The following PRR5L variants were observed in gnomAD, a reference collection of about 807,000 sequenced individuals.
PRR5L encodes proline-rich protein 5-like.
PRR5L carries 21 observed loss-of-function variants against 36.4 expected under a neutral mutation model. That is an observed-to-expected ratio of 0.58 (90% CI 0.41 to 0.83). The LOEUF (loss-of-function observed/expected upper bound fraction) is 0.83, where lower values mean the gene tolerates loss of function less well. Ranked by LOEUF, PRR5L falls within the 40% of genes least tolerant of loss-of-function variation. The pLI is 0.00. For synonymous variants in PRR5L, 188 were observed against 197.0 expected (o/e 0.95, Z 0.38); for missense variants, 381 against 473.3 (o/e 0.80, Z 1.81).
intron 6 of PRR5L, among the ~76,000 whole-genome samples, chr11:36,438,988 C>A (rs2133608317): frequency 6.6e-6 from 1 of 152,182 alleles, no homozygotes; most frequent in South Asian, 2.1e-4. Context: ...CATATATAAG[C>A]AAATAATGCA....
chr11:36,368,652 T>C (rs1336104394), intron 1 of PRR5L, among the ~76,000 whole-genome samples: 1 of 152,226 alleles, frequency 6.6e-6, no homozygotes, highest in Non-Finnish European at 1.5e-5. Context: ...TGTATGATAA[T>C]GCAACAACAG....
At chr11:36,417,274 C>A (rs887057124) in intron 3 of PRR5L, among the ~76,000 whole-genome samples, 5 of 152,124 alleles carry the variant, frequency 3.3e-5, no homozygotes, top group African/African-American at 1.2e-4. Context: ...TGAGACTTCC[C>A]AAGGATGACG....
At chr11:36,411,844 A>C (rs1027357566) in intron 3 of PRR5L, among the ~76,000 whole-genome samples, 1 of 152,068 alleles carries the variant, frequency 6.6e-6, no homozygotes, top group Non-Finnish European at 1.5e-5. Context: ...TGGGTCCTCA[A>C]TCCCAGTGTA....
intron 1 of PRR5L, among the ~76,000 whole-genome samples, chr11:36,326,977 G>T (rs2133468759): frequency 6.6e-6 from 1 of 152,256 alleles, no homozygotes; most frequent in South Asian, 2.1e-4. Context: ...AGTTAAAGTG[G>T]AGTGGAAAAA....
chr11:36,435,032 G>A (rs1858575842), intron 5 of PRR5L, among the ~76,000 whole-genome samples: 1 of 152,116 alleles, frequency 6.6e-6, no homozygotes, highest in Admixed American at 6.5e-5. Flanking sequence ...CAGGTCAAGA[G>A]GGCCTCTGCT....
chr11:36,462,517 C>G lies in PRR5L; in HGVS notation c.888C>G (p.His296Gln). The change falls in exon 9 of 9, where the codon CAC becomes CAG. Residue 296 changes from histidine (H) to glutamine (Q), a missense_variant. Transcript: ENST00000530639. ...SVRRHTVANA[H>Q]SDIQLLAMAT... Reference sequence around the variant, plus strand: ...GGCGGCACACGGTGGCCAATGCCCACTCGGACATCCAGCTGCTGGCCATGG... The same window carrying G: ...GGCGGCACACGGTGGCCAATGCCCAGTCGGACATCCAGCTGCTGGCCATGG... 6.2e-7 allele frequency: 1 copy of G among 1,608,518 alleles called. No homozygotes were observed. The highest frequency in any genetic ancestry group is 8.5e-7 in the Non-Finnish European group (1 of 1,177,052).
chr11:36,401,368 C>T (rs1421008709), intron 2 of PRR5L, 83 bp downstream of exon 2: 2 of 1,354,404 alleles, frequency 1.5e-6, no homozygotes, highest in African/African-American at 1.5e-5. Flanking sequence ...GACTGAGCTT[C>T]TGCTGATTCT....
chr11:36,300,088 A>T lies in PRR5L; in HGVS notation c.-126+3650A>T, dbSNP rs181808235. On this transcript the variant is annotated intron_variant, in intron 1 of 8. Transcript: ENST00000530639. The stretch of plus-strand genomic sequence containing the variant: ...TCAGCAGAATAATGAAGTACAAGTG[A>T]AATATCTTTTTTTTTTGTAGAAATG... Among the ~76,000 whole-genome samples the T allele has an allele frequency of 1.1e-4, 17 of 152,268 alleles. No individual in the cohort carries two copies. The East Asian group carries it at 3.1e-3, about 28-fold the overall frequency.
chr11:36,331,462 A>C (rs1446670), intron 1 of PRR5L, among the ~76,000 whole-genome samples: 1 of 151,888 alleles, frequency 6.6e-6, no homozygotes, highest in African/African-American at 2.4e-5. Flanking sequence ...TCTTAAATAA[A>C]CAAAAACATG....
At chr11:36,418,975 G>A (rs79538109) in intron 3 of PRR5L, among the ~76,000 whole-genome samples, 10,740 of 152,120 alleles carry the variant, frequency 0.071, 378 homozygotes, top group African/African-American at 0.087. Context: ...CAGGTGCCCT[G>A]GCCTGCCCCT....
intron 1 of PRR5L, among the ~76,000 whole-genome samples, chr11:36,340,451 G>T (rs192079485): frequency 6.6e-6 from 1 of 152,264 alleles, no homozygotes; most frequent in East Asian, 1.9e-4. Flanking sequence ...TACAGAGTGC[G>T]CATGCATATA....
At chr11:36,405,880 T>C (rs999300488) in intron 3 of PRR5L, among the ~76,000 whole-genome samples, 14 of 152,134 alleles carry the variant, frequency 9.2e-5, no homozygotes, top group African/African-American at 3.4e-4. Context: ...CTCTCTGATG[T>C]CCCTTATAAG....
chr11:36,437,757 T>C (rs1858635048), intron 6 of PRR5L, among the ~76,000 whole-genome samples: 1 of 152,218 alleles, frequency 6.6e-6, no homozygotes, highest in Admixed American at 6.5e-5. Context: ...TTTTTCTTAG[T>C]TTTCAGAAGT....
chr11:36,392,749 G>A (rs1271609284), intron 1 of PRR5L, among the ~76,000 whole-genome samples: 1 of 152,130 alleles, frequency 6.6e-6, no homozygotes. Flanking sequence ...GAGCAAGGCT[G>A]GAACTGCCAC....
At chr11:36,419,941 C>T (rs1480018837) in intron 4 of PRR5L, among the ~76,000 whole-genome samples, 6 of 152,206 alleles carry the variant, frequency 3.9e-5, no homozygotes, top group Non-Finnish European at 8.8e-5. Flanking sequence ...CTGAATCATA[C>T]CACATCTGGA....
intron 1 of PRR5L, among the ~76,000 whole-genome samples, chr11:36,303,954 CTG>C (rs1301236552): frequency 1.3e-5 from 2 of 152,112 alleles, no homozygotes; most frequent in Admixed American, 1.3e-4. Context: ...AGGAGCAGGC[CTG>C]TGTCTGCCCC....
chr11:36,307,042 G>T (rs1469771821), intron 1 of PRR5L, among the ~76,000 whole-genome samples: 8 of 151,036 alleles, frequency 5.3e-5, no homozygotes, highest in Non-Finnish European at 1.0e-4. Flanking sequence ...CATTGTGATG[G>T]TTTTTGTTGT....
At chr11:36,363,812 A>G (rs1857118261) in intron 1 of PRR5L, among the ~76,000 whole-genome samples, 1 of 152,238 alleles carries the variant, frequency 6.6e-6, no homozygotes, top group African/African-American at 2.4e-5. Context: ...CCAAGAAGCA[A>G]TCGGCTGTTA....
chr11:36,405,255 C>T (rs1198589464), intron 3 of PRR5L, among the ~76,000 whole-genome samples: 2 of 152,170 alleles, frequency 1.3e-5, no homozygotes, highest in African/African-American at 4.8e-5. Flanking sequence ...AAGAGGATTA[C>T]CCTGGTAGAA....
Sources: gnomAD v4.1 joint callset for allele counts (sites outside exome capture counted in the v4.1 genomes callset) on GRCh38, gnomAD v4.1.1 for gene constraint, MANE v1.5 for transcripts, NCBI Gene and HGNC (gene_info 2026-07-23, HGNC 2026-07-21) for gene names.